CRACD: variants seen among roughly 807,000 people sequenced by gnomAD.
The protein encoded by CRACD is capping protein-inhibiting regulator of actin dynamics.
A neutral mutation model predicts 106.8 loss-of-function variants in CRACD; 56 were observed. That is an observed-to-expected ratio of 0.52 (90% CI 0.42 to 0.66). The LOEUF (loss-of-function observed/expected upper bound fraction) is 0.66, where lower values mean the gene tolerates loss of function less well. CRACD is among the 30% of genes least tolerant of loss of function. CRACD has a pLI of 0.00. For synonymous variants in CRACD, 754 were observed against 670.8 expected (o/e 1.12, Z -1.92); for missense variants, 1,730 against 1,623.2 (o/e 1.07, Z -1.13).
At chr4:56,069,647 G>T (rs1210426441) in intron 1 of CRACD, among the ~76,000 whole-genome samples, 1 of 152,224 alleles carries the variant, frequency 6.6e-6, no homozygotes, top group Non-Finnish European at 1.5e-5. Flanking sequence ...AGCCTCAGAT[G>T]ACTTCCCCCC....
chr4:56,241,743 CT>C, intron 2 of CRACD, among the ~76,000 whole-genome samples: 1 of 152,240 alleles, frequency 6.6e-6, no homozygotes, highest in East Asian at 1.9e-4. Context: ...CCTGCTCAGC[CT>C]TTTTAAGAGC....
intron 6 of CRACD, 94 bp from the exon 7 acceptor site, chr4:56,313,103 C>T (rs979697641): frequency 1.6e-4 from 183 of 1,125,210 alleles, no homozygotes; most frequent in Middle Eastern, 2.3e-4. Flanking sequence ...CCAGGCTGGG[C>T]GAGGCGCACA....
chr4:56,114,187 T>C (rs1344736149), intron 1 of CRACD, among the ~76,000 whole-genome samples: 1 of 151,610 alleles, frequency 6.6e-6, no homozygotes, highest in East Asian at 2.0e-4. Context: ...CATTGCTCCT[T>C]GTAGGCCCGG....
intron 2 of CRACD, among the ~76,000 whole-genome samples, chr4:56,266,493 T>A (rs1245187999): frequency 6.6e-6 from 1 of 152,228 alleles, no homozygotes; most frequent in East Asian, 1.9e-4. Flanking sequence ...AATTTTGTGT[T>A]GTAAAAGTCT....
intron 3 of CRACD, among the ~76,000 whole-genome samples, chr4:56,292,282 T>G (rs1743738330): frequency 6.6e-6 from 1 of 152,076 alleles, no homozygotes; most frequent in African/African-American, 2.4e-5. Flanking sequence ...CTTCTAACAG[T>G]TTACACGCAG....
At chr4:56,117,373 T>C (rs1447478110) in intron 1 of CRACD, among the ~76,000 whole-genome samples, 1 of 152,184 alleles carries the variant, frequency 6.6e-6, no homozygotes, top group African/African-American at 2.4e-5. Context: ...GAGGATATTA[T>C]GCTAAGTGAA....
chr4:56,117,044 G>T (rs1476146274), intron 1 of CRACD, among the ~76,000 whole-genome samples: 2 of 133,474 alleles, frequency 1.5e-5, no homozygotes, highest in East Asian at 2.2e-4. Flanking sequence ...TTTTTGAGAC[G>T]GAGTCTTGCT....
chr4:56,274,654 G>A (rs1341796033), intron 3 of CRACD, among the ~76,000 whole-genome samples: 5 of 149,434 alleles, frequency 3.3e-5, no homozygotes, highest in Admixed American at 1.3e-4. Context: ...CTGCATTTAT[G>A]AGACGTGTAC....
chr4:56,094,342 A>G (rs1460939249), intron 1 of CRACD, among the ~76,000 whole-genome samples: 2 of 151,894 alleles, frequency 1.3e-5, no homozygotes, highest in Non-Finnish European at 2.9e-5. Flanking sequence ...TTGGAATTAT[A>G]TGCACAGGAA....
chr4:56,178,366 G>A (rs1247805827), intron 1 of CRACD, among the ~76,000 whole-genome samples: 2 of 152,012 alleles, frequency 1.3e-5, no homozygotes, highest in African/African-American at 4.8e-5. Flanking sequence ...AAAACCAGTG[G>A]GTGTCTCAAA....
rs76395342 is a variant in CRACD, at chr4:56,143,206, A to G, written c.-335-36078A>G. On this transcript the variant is annotated intron_variant, in intron 1 of 10. Transcript: ENST00000682029. ...ATTTTATATTTCTATTGTTGTCATG[A>G]ATAGTCTTCCCCTGCCCTTTTCTAA... is the stretch of plus-strand genomic sequence containing the variant. 4.0e-3 allele frequency among the ~76,000 whole-genome samples: 609 copies of G among 151,982 alleles called. 2 individuals are homozygous for G. The highest frequency in any genetic ancestry group is 0.014 in the African/African-American group (583 of 41,466).
intron 1 of CRACD, among the ~76,000 whole-genome samples, chr4:56,151,460 T>G (rs546874349): frequency 6.6e-6 from 1 of 152,244 alleles, no homozygotes; most frequent in South Asian, 2.1e-4. Flanking sequence ...TAATGTTTTT[T>G]CTTGAGCCGT....
At chr4:56,081,852 C>T (rs1451858282) in intron 1 of CRACD, among the ~76,000 whole-genome samples, 1 of 151,738 alleles carries the variant, frequency 6.6e-6, no homozygotes, top group Non-Finnish European at 1.5e-5. Flanking sequence ...GGTGCACGCC[C>T]GTAATCCCAG....
intron 2 of CRACD, among the ~76,000 whole-genome samples, chr4:56,264,597 C>T (rs1741893239): frequency 6.6e-6 from 1 of 152,198 alleles, no homozygotes; most frequent in Non-Finnish European, 1.5e-5. Context: ...GCTTTACAAA[C>T]AATTTGTGCA....
intron 1 of CRACD, among the ~76,000 whole-genome samples, chr4:56,049,648 G>C (rs1276891748): frequency 6.6e-6 from 1 of 152,126 alleles, no homozygotes; most frequent in Non-Finnish European, 1.5e-5. Context: ...CCCTGGCTCG[G>C]TCCCGACCGC....
chr4:56,097,106 C>T (rs938180532), intron 1 of CRACD, among the ~76,000 whole-genome samples: 1 of 152,066 alleles, frequency 6.6e-6, no homozygotes, highest in Non-Finnish European at 1.5e-5. Flanking sequence ...GACAAGGAAA[C>T]AGACGTGCCA....
At chr4:56,264,426 AACCACATAT>A (rs79406911) in intron 2 of CRACD, among the ~76,000 whole-genome samples, 36,721 of 151,968 alleles carry the variant, frequency 0.24, 4,618 homozygotes, top group Non-Finnish European at 0.27. Context: ...TTAGAAGCCT[AACCACATAT>A]ACCACATATA....
At chr4:56,099,732 G>A (rs1430936632) in intron 1 of CRACD, among the ~76,000 whole-genome samples, 1 of 152,144 alleles carries the variant, frequency 6.6e-6, no homozygotes, top group Non-Finnish European at 1.5e-5. Context: ...CTGGAAGTGG[G>A]ACAGGCTGGC....
intron 1 of CRACD, among the ~76,000 whole-genome samples, chr4:56,122,194 A>C (rs1166082819): frequency 6.6e-6 from 1 of 152,036 alleles, no homozygotes; most frequent in Non-Finnish European, 1.5e-5. Context: ...TTTAAAAAAA[A>C]ATGTCCTTGT....
Sources: allele counts gnomAD v4.1 joint callset (sites outside exome capture counted in the v4.1 genomes callset), GRCh38; gene constraint gnomAD v4.1.1; transcripts MANE v1.5; gene names NCBI Gene and HGNC (gene_info 2026-07-23, HGNC 2026-07-21).